The following PHC2 variants were observed in gnomAD, a reference collection of about 807,000 sequenced individuals.
The protein encoded by PHC2 is polyhomeotic homolog 2, also known as polyhomeotic-like protein 2.
A neutral mutation model predicts 87.4 loss-of-function variants in PHC2; 29 were observed. The ratio of observed to expected loss-of-function variants is 0.33; its 90% CI spans 0.25 to 0.45. The LOEUF (loss-of-function observed/expected upper bound fraction) is 0.45. Among genes scored for constraint, PHC2 ranks in the 20% least tolerant of loss-of-function variants. The pLI is 1.00. For missense variants in PHC2, 857 were observed against 1,136.7 expected, an observed-to-expected ratio of 0.75 and a Z score of 3.54; for synonymous variants, 438 against 461.7, an observed-to-expected ratio of 0.95 and a Z score of 0.66.
At chr1:33,325,652 G>A in intron 14 of PHC2, 1 of 318,442 alleles carries the variant, frequency 3.1e-6, no homozygotes, top group South Asian at 2.5e-5. Flanking sequence ...GACACCAGGA[G>A]CCTCATACCA....
intron 1 of PHC2, among the ~76,000 whole-genome samples, chr1:33,400,055 T>C (rs930551594): frequency 6.6e-6 from 1 of 151,940 alleles, no homozygotes; most frequent in African/African-American, 2.4e-5. Flanking sequence ...GATAAACCTA[T>C]AAAAGGATGT....
intron 9 of PHC2, chr1:33,336,721 C>T (rs1163345928): frequency 1.3e-5 from 2 of 152,242 alleles, no homozygotes; most frequent in African/African-American, 2.4e-5. Context: ...TGGTCGTCCT[C>T]TTTGACCCAG....
chr1:33,370,347 G>A (rs1647744188), intron 5 of PHC2, 74 bp downstream of exon 5: 3 of 1,438,138 alleles, frequency 2.1e-6, no homozygotes, highest in Admixed American at 3.6e-5. Context: ...CCCTTCTCCA[G>A]CTCCCAGCTC....
rs888507385 is a variant in PHC2, at chr1:33,332,875, C to T, written c.1762-471G>A. Among the ~76,000 whole-genome samples the T allele has an allele frequency of 3.9e-5, 6 of 152,014 alleles. No homozygotes were observed. Among genetic ancestry groups the T allele is most frequent in the African/African-American group, 1.5e-4 (6 of 41,364 alleles). On this transcript the variant is annotated intron_variant, in intron 10 of 14. Coordinates refer to ENST00000683057, the MANE Select transcript of PHC2 (RefSeq NM_001385109.1). This position sits in a 1 kb window ranked among gnomAD's most constrained non-coding sequence, Gnocchi z 4.2. The stretch of plus-strand genomic sequence containing the variant: ...CCTGACCCAAGCCAGAGGTACAGGC[C>T]GCCACAGAGTATAGCAGGAAAAAAC...
intron 1 of PHC2, among the ~76,000 whole-genome samples, chr1:33,414,177 TCACACACACACACACA>T (rs201845759): frequency 6.3e-5 from 9 of 142,856 alleles, no homozygotes; most frequent in South Asian, 4.5e-4. Flanking sequence ...TCTCTCTCTG[TCACACACACACACACA>T]CACACACACA....
chr1:33,354,613 T>G, intron 8 of PHC2, 47 bp from the exon 9 acceptor site: 1 of 1,566,852 alleles, frequency 6.4e-7, no homozygotes, highest in Non-Finnish European at 8.7e-7. Flanking sequence ...AAATAGCCTT[T>G]GCATTCTTGG....
Position 33,332,241 on chromosome 1 carries a change from G to T in PHC2, c.1891+34C>A. On this transcript the variant is annotated intron_variant, in intron 11 of 14. Transcript: ENST00000683057. This position sits in a 1 kb window ranked among gnomAD's most constrained non-coding sequence, Gnocchi z 4.2. ...GAGGCCTGCCTTTCCAGCCACGCTG[G>T]GAGGCCGAGAGATTCAGGGTCTGAG... 1 of 1,613,550 alleles carries T rather than the reference G, an allele frequency of 6.2e-7. No homozygotes were observed. Among genetic ancestry groups the T allele is most frequent in the Non-Finnish European group, 8.5e-7 (1 of 1,179,524 alleles).
intron 13 of PHC2, among the ~76,000 whole-genome samples, chr1:33,329,562 C>T (rs1016261238): frequency 2.0e-5 from 3 of 152,158 alleles, no homozygotes; most frequent in Admixed American, 6.5e-5. Flanking sequence ...TCCTTTAAGG[C>T]GAGACTGTGT....
intron 9 of PHC2, chr1:33,345,082 C>G (rs1346064100): frequency 6.6e-6 from 1 of 152,148 alleles, no homozygotes; most frequent in Non-Finnish European, 1.5e-5. Context: ...AACAGCCATG[C>G]AACTAGAGTT....
chr1:33,381,709 AAGCAT>A (rs1418511453), intron 1 of PHC2, among the ~76,000 whole-genome samples: 5 of 150,896 alleles, frequency 3.3e-5, no homozygotes, highest in Non-Finnish European at 7.4e-5. Flanking sequence ...GTCCGTGTCA[AAGCAT>A]ACTAGATTTT....
intron 1 of PHC2, among the ~76,000 whole-genome samples, chr1:33,426,227 G>A (rs1463299278): frequency 6.6e-6 from 1 of 152,150 alleles, no homozygotes; most frequent in Non-Finnish European, 1.5e-5. Flanking sequence ...TGATTCATGT[G>A]GGTAGATGAA....
At chr1:33,337,246 C>A (rs932008278) in intron 9 of PHC2, among the ~76,000 whole-genome samples, 1 of 152,136 alleles carries the variant, frequency 6.6e-6, no homozygotes, top group African/African-American at 2.4e-5. Context: ...ATATGCCCAC[C>A]CAATGATTTT....
chr1:33,397,575 T>C (rs536811960), intron 1 of PHC2, among the ~76,000 whole-genome samples: 35 of 152,226 alleles, frequency 2.3e-4, no homozygotes, highest in Non-Finnish European at 4.8e-4. Flanking sequence ...CTCGGTCTCC[T>C]GACTCTGAGA....
rs1402700291 is a variant in PHC2, at chr1:33,355,131, G to A, written c.1099C>T (p.Arg367Trp). 3.7e-6 allele frequency: 6 copies of A among 1,611,236 alleles called. No individual in the cohort carries two copies. Among genetic ancestry groups the A allele is most frequent in the South Asian group, 1.1e-5 (1 of 90,810 alleles). ...QQQQPPPQQS[R>W]PVLQAEPHPQ... The stretch of plus-strand genomic sequence containing the variant: ...TGGGGCTCAGCTTGGAGCACAGGCC[G>A]TGACTGCTGGGGCGGCGGCTGCTGC... The change falls in exon 8 of 15, where the codon CGG becomes TGG. Residue 367 changes from arginine to tryptophan, a missense_variant. Around this residue, in one of 3 missense-constraint regions of PHC2, gnomAD observed 832 missense variants for 1,081.8 expected, o/e 0.77. Transcript: ENST00000683057.
At chr1:33,419,485 G>A (rs988950147) in intron 1 of PHC2, among the ~76,000 whole-genome samples, 2 of 152,110 alleles carry the variant, frequency 1.3e-5, no homozygotes, top group African/African-American at 4.8e-5. Flanking sequence ...TGTTTACATT[G>A]TCTCCATGTT....
At chr1:33,329,662 C>A (rs1425509504) in intron 13 of PHC2, among the ~76,000 whole-genome samples, 1 of 152,142 alleles carries the variant, frequency 6.6e-6, no homozygotes, top group Non-Finnish European at 1.5e-5. Flanking sequence ...CTGGTAGAGA[C>A]CTTCAAGAAC....
intron 14 of PHC2, among the ~76,000 whole-genome samples, chr1:33,328,505 C>T (rs761485430): frequency 1.3e-5 from 2 of 151,718 alleles, no homozygotes; most frequent in African/African-American, 4.8e-5. Context: ...TGTGAGCCAC[C>T]ACACCTGGCT....
At chr1:33,350,508 T>C (rs1335973437) in intron 9 of PHC2, 1 of 152,270 alleles carries the variant, frequency 6.6e-6, no homozygotes, top group African/African-American at 2.4e-5. Context: ...TGGCGAAGCA[T>C]ACTCATTCAG....
Position 33,367,432 on chromosome 1 carries a change from GAA to G in PHC2, c.664-6_664-5del. On this transcript the variant is annotated splice_polypyrimidine_tract_variant and splice_region_variant and intron_variant, in intron 6 of 14. Transcript: ENST00000683057. ...TTCGGAGGGTCAAGTTCTGTACCTG[GAA>G]AAGAGGGGTCTGTGGGAGTCCAGAG... is the stretch of plus-strand genomic sequence containing the variant. 1 of 1,546,232 alleles carries G rather than the reference GAA, an allele frequency of 6.5e-7. No individual in the cohort carries two copies. Among genetic ancestry groups the G allele is most frequent in the Non-Finnish European group, 8.8e-7 (1 of 1,142,440 alleles).
Sources: gnomAD v4.1 joint callset for allele counts (sites outside exome capture counted in the v4.1 genomes callset) on GRCh38, gnomAD v4.1.1 for gene constraint, gnomAD v4.1.1 regional missense constraint, Gnocchi (gnomAD v3.1) non-coding constraint, MANE v1.5 for transcripts, NCBI Gene and HGNC (gene_info 2026-07-23, HGNC 2026-07-21) for gene names.